Variants in ZNF875 observed in about 807,000 individuals in gnomAD.
The protein encoded by ZNF875 is zinc finger protein 875.
A neutral mutation model predicts 11.2 loss-of-function variants in ZNF875; 14 were observed. The observed-to-expected ratio is 1.26, with a 90% confidence interval of 0.83 to 1.96. The LOEUF is 1.96. Among genes scored for constraint, ZNF875 ranks in the 30% most tolerant of loss-of-function variants. ZNF875 has a pLI of 0.00. For synonymous variants in ZNF875, 301 were observed against 281.1 expected (o/e 1.07, Z -0.71); for missense variants, 752 against 760.4 (o/e 0.99, Z 0.13).
In ZNF875 at chr19:37,363,317, C is replaced by A; in HGVS notation, c.1465C>A (p.Arg489=). The change falls in exon 5 of 5, where the codon CGG becomes AGG. Residue 489 remains arginine, a synonymous_variant. Transcript: ENST00000392153. The stretch of plus-strand genomic sequence containing the variant: ...TACGGAGTGTGGGCGAGGCTTTACC[C>A]GGAAATCAACCCTGAGCACGCACCA... The part of the protein sequence containing the change: ...VCTECGRGFT[R]KSTLSTHQRT... The A allele has an allele frequency of 6.2e-7, 1 of 1,609,788 alleles. No homozygotes were observed. The highest frequency in any genetic ancestry group is 2.2e-5 in the East Asian group (1 of 44,684).
chr19:37,361,356 G>T (rs575435728), intron 4 of ZNF875, among the ~76,000 whole-genome samples: 1 of 151,944 alleles, frequency 6.6e-6, no homozygotes, highest in Non-Finnish European at 1.5e-5. Flanking sequence ...TGATCTGCCC[G>T]CCTCGGCTTC....
At chr19:37,359,117 C>A (rs1314768183) in intron 4 of ZNF875, among the ~76,000 whole-genome samples, 1 of 151,288 alleles carries the variant, frequency 6.6e-6, no homozygotes, top group Non-Finnish European at 1.5e-5. Flanking sequence ...TCAGGCTGGT[C>A]TCAAACTTCC....
At chr19:37,346,208 A>G (rs1249348650) in intron 2 of ZNF875, 1 of 152,250 alleles carries the variant, frequency 6.6e-6, no homozygotes, top group African/African-American at 2.4e-5. Context: ...CAGGGACTGC[A>G]CTGGGCATTT....
At chr19:37,317,690 A>C (rs2030330850), upstream of ZNF875, among the ~76,000 whole-genome samples, 1 of 152,208 alleles carries the variant, frequency 6.6e-6, no homozygotes, top group Non-Finnish European at 1.5e-5. Context: ...TTTGCTGCGC[A>C]TGTAGGCGGG....
chr19:37,342,242 A>G (rs2035861820), intron 2 of ZNF875, among the ~76,000 whole-genome samples: 1 of 152,018 alleles, frequency 6.6e-6, no homozygotes, highest in African/African-American at 2.4e-5. Context: ...TTATTTTGAG[A>G]CATGTGCTGG....
upstream of ZNF875, among the ~76,000 whole-genome samples, chr19:37,332,521 T>A (rs2033561952): frequency 6.6e-6 from 1 of 152,004 alleles, no homozygotes; most frequent in Admixed American, 6.6e-5. Flanking sequence ...CTGGCCAACT[T>A]CTTGCTCTTT....
At chr19:37,352,236 G>C (rs2038033638) in intron 4 of ZNF875, among the ~76,000 whole-genome samples, 1 of 148,862 alleles carries the variant, frequency 6.7e-6, no homozygotes, top group African/African-American at 2.5e-5. Context: ...TTTTTTTTGA[G>C]ACAGAGTTTT....
At chr19:37,332,032 A>G (rs1239546800), upstream of ZNF875, among the ~76,000 whole-genome samples, 1 of 122,450 alleles carries the variant, frequency 8.2e-6, no homozygotes, top group South Asian at 3.3e-4. Context: ...TTTGTAAAGC[A>G]TTGAGATGTT....
At chr19:37,314,302 A>C (rs2030088787), upstream of ZNF875, among the ~76,000 whole-genome samples, 1 of 152,064 alleles carries the variant, frequency 6.6e-6, no homozygotes, top group Non-Finnish European at 1.5e-5. Context: ...TTTTATAGAT[A>C]TGTGGGTCTC....
intron 2 of ZNF875, among the ~76,000 whole-genome samples, chr19:37,338,627 A>T (rs1006928528): frequency 8.5e-5 from 13 of 152,238 alleles, no homozygotes; most frequent in Non-Finnish European, 1.9e-4. Context: ...CTCAGGAAAA[A>T]TTAAAGGGCA....
chr19:37,314,797 A>T (rs2030116062), upstream of ZNF875: 1 of 151,926 alleles, frequency 6.6e-6, no homozygotes, highest in Non-Finnish European at 1.5e-5. Flanking sequence ...ACAAAATCTT[A>T]ATTTATTCAT....
At chr19:37,340,024 C>T (rs2035356675) in intron 2 of ZNF875, among the ~76,000 whole-genome samples, 1 of 151,200 alleles carries the variant, frequency 6.6e-6, no homozygotes, top group African/African-American at 2.4e-5. Context: ...TTCTTGTTGC[C>T]CAGGCTGGAG....
intron 4 of ZNF875, among the ~76,000 whole-genome samples, chr19:37,326,601 T>A (rs1474383894): frequency 6.6e-6 from 1 of 152,168 alleles, no homozygotes; most frequent in African/African-American, 2.4e-5. Context: ...CTCACATACT[T>A]TTCATGTTTT....
chr19:37,350,606 C>T (rs1488446549), intron 4 of ZNF875, among the ~76,000 whole-genome samples: 2 of 151,750 alleles, frequency 1.3e-5, no homozygotes, highest in Non-Finnish European at 2.9e-5. Flanking sequence ...TTTGCATGTA[C>T]TCTTTTTTTT....
chr19:37,326,699 G>A (rs1599886624), intron 4 of ZNF875, among the ~76,000 whole-genome samples: 1 of 110,022 alleles, frequency 9.1e-6, no homozygotes. Context: ...TTGTAGTCTC[G>A]CTCTGTCGCC....
intron 2 of ZNF875, among the ~76,000 whole-genome samples, chr19:37,340,644 C>CTTTTTTTTTTTTTTTTTTT (rs386388968): frequency 9.5e-6 from 1 of 104,716 alleles, no homozygotes; most frequent in Non-Finnish European, 1.8e-5. Flanking sequence ...CTTATGTGTA[C>CTTTTTTTTTTTTTTTTTTT]TTTTTTTTTT....
chr19:37,345,241 G>A (rs1017284080), intron 2 of ZNF875, among the ~76,000 whole-genome samples: 1 of 152,214 alleles, frequency 6.6e-6, no homozygotes, highest in Non-Finnish European at 1.5e-5. Flanking sequence ...TAGCCAGAGA[G>A]AGATGAGGTA....
intron 4 of ZNF875, among the ~76,000 whole-genome samples, chr19:37,355,484 G>A (rs941125364): frequency 1.3e-5 from 2 of 152,082 alleles, no homozygotes; most frequent in Admixed American, 6.5e-5. Flanking sequence ...CACCACCCCC[G>A]GCCTGTAAGT....
At chr19:37,332,389 G>A (rs986415963), upstream of ZNF875, among the ~76,000 whole-genome samples, 2 of 152,072 alleles carry the variant, frequency 1.3e-5, no homozygotes, top group African/African-American at 2.4e-5. Context: ...GCTAATTTTT[G>A]TATTTTTAAT....
Sources: gnomAD v4.1 joint callset for allele counts (sites outside exome capture counted in the v4.1 genomes callset) on GRCh38, gnomAD v4.1.1 for gene constraint, MANE v1.5 for transcripts, NCBI Gene and HGNC (gene_info 2026-07-23, HGNC 2026-07-21) for gene names.